The following ERBIN variants were observed in gnomAD, a reference collection of about 807,000 sequenced individuals.
The protein encoded by ERBIN is densin-180-like protein.
ERBIN carries 60 observed loss-of-function variants against 158.4 expected under a neutral mutation model. The observed-to-expected ratio is 0.38, with a 90% CI of 0.31 to 0.47. The LOEUF is 0.47. ERBIN is among the 20% of genes least tolerant of loss of function. The probability of loss-of-function intolerance (pLI) is 0.99; values close to 1 mark genes in which losing one functional copy is unlikely to be tolerated. For missense variants in ERBIN, 1,610 were observed against 1,648.0 expected, an observed-to-expected ratio of 0.98 and a Z score of 0.40; for synonymous variants, 594 against 557.2, an observed-to-expected ratio of 1.07 and a Z score of -0.93.
At chr5:66,004,541 GGTGCAGGCCA>G (rs1460123683) in intron 4 of ERBIN, among the ~76,000 whole-genome samples, 2 of 152,184 alleles carry the variant, frequency 1.3e-5, no homozygotes, top group African/African-American at 4.8e-5. Context: ...TGAGACTACA[GGTGCAGGCCA>G]CCATATCTGG....
In ERBIN at chr5:65,987,668, T is replaced by C. The variant is rs573227461; in HGVS notation, c.-57-967T>C. 1.2e-3 allele frequency among the ~76,000 whole-genome samples: 183 copies of C among 151,912 alleles called. 1 individual carries two copies. Among genetic ancestry groups the C allele is most frequent in the Middle Eastern group, 0.01 (3 of 294 alleles). ...AGGAGTTTGAGACCAGCCTGGCCAA[T>C]ATGGCAAAACCCCGTCTCTCTAAAG... On this transcript the variant is annotated intron_variant, in intron 1 of 25. Coordinates refer to ENST00000284037, the MANE Select transcript of ERBIN (RefSeq NM_001253697.2).
intron 4 of ERBIN, among the ~76,000 whole-genome samples, chr5:66,007,407 G>A (rs1309840049): frequency 1.7e-5 from 2 of 119,058 alleles, no homozygotes; most frequent in Non-Finnish European, 3.5e-5. Context: ...GGGGAGCGGG[G>A]AGGGGATAGC....
At chr5:66,058,709 A>C (rs153020) in intron 21 of ERBIN, among the ~76,000 whole-genome samples, 5 of 147,340 alleles carry the variant, frequency 3.4e-5, no homozygotes, top group South Asian at 2.1e-4. Flanking sequence ...AATTAATTTT[A>C]GTATAAGGTG....
chr5:66,053,274 A>G (rs1759222538), intron 20 of ERBIN, 132 bp from the exon 21 acceptor site: 2 of 477,476 alleles, frequency 4.2e-6, no homozygotes, highest in Non-Finnish European at 7.3e-6. Flanking sequence ...ATGCTTGATA[A>G]TAAATGCCTT....
intron 1 of ERBIN, among the ~76,000 whole-genome samples, chr5:65,928,752 AGTTT>A (rs1410316213): frequency 1.4e-4 from 22 of 152,124 alleles, no homozygotes; most frequent in Admixed American, 1.1e-3. Context: ...GAATTCTGTT[AGTTT>A]ATCACCGAAT....
intron 1 of ERBIN, among the ~76,000 whole-genome samples, chr5:65,944,881 C>CAATCCCA (rs1178919787): frequency 3.3e-5 from 5 of 152,028 alleles, no homozygotes; most frequent in African/African-American, 1.2e-4. Context: ...CAGTCTGTTA[C>CAATCCCA]TAGATACATG....
chr5:66,023,438 A>G (rs1041401635), intron 9 of ERBIN, 74 bp downstream of exon 9: 2 of 864,314 alleles, frequency 2.3e-6, no homozygotes, highest in Admixed American at 2.4e-5. Context: ...TGTACCTTTT[A>G]TAATTACTTT....
intron 10 of ERBIN, 143 bp from the exon 11 acceptor site, chr5:66,025,337 T>C: frequency 1.5e-6 from 1 of 685,948 alleles, no homozygotes; most frequent in Non-Finnish European, 2.6e-6. Context: ...AACATTGGGA[T>C]TGGGAGTGGT....
intron 1 of ERBIN, among the ~76,000 whole-genome samples, chr5:65,974,402 C>T (rs186375930): frequency 2.6e-5 from 4 of 152,350 alleles, no homozygotes; most frequent in African/African-American, 7.2e-5. Flanking sequence ...GAGGTAATGC[C>T]TATAGAGGCA....
intron 1 of ERBIN, among the ~76,000 whole-genome samples, chr5:65,932,077 C>T (rs1404358894): frequency 6.6e-6 from 1 of 152,010 alleles, no homozygotes; most frequent in Non-Finnish European, 1.5e-5. Flanking sequence ...CTCGGCCTCC[C>T]AAAGTGCTGG....
intron 1 of ERBIN, among the ~76,000 whole-genome samples, chr5:65,982,958 C>T (rs1750813870): frequency 6.6e-6 from 1 of 152,142 alleles, no homozygotes; most frequent in Non-Finnish European, 1.5e-5. Context: ...GGAAATGTTC[C>T]ATGTCTTGAT....
chr5:66,041,743 G>GGA (rs1003933116), intron 15 of ERBIN, among the ~76,000 whole-genome samples: 36 of 152,092 alleles, frequency 2.4e-4, no homozygotes, highest in African/African-American at 8.4e-4. Context: ...CTGGAACAAG[G>GGA]GAGAGGGAAT....
intron 22 of ERBIN, among the ~76,000 whole-genome samples, chr5:66,073,389 G>T (rs530752295): frequency 2.7e-5 from 4 of 150,778 alleles, no homozygotes; most frequent in African/African-American, 1.0e-4. Flanking sequence ...CAGTGATCAA[G>T]TAATAAACAG....
rs1762233710 is a variant in ERBIN at position 66,078,726 on chromosome 5, AT to A, written c.*198del. The A allele has an allele frequency of 7.5e-6, 4 of 535,942 alleles. No homozygotes were observed. Among genetic ancestry groups the A allele is most frequent in the Non-Finnish European group, 1.3e-5 (4 of 304,166 alleles). The allele number at this position is 535,942 out of a possible 1,614,324, so 33.2% of individuals were successfully genotyped here. On this transcript the variant is annotated 3_prime_UTR_variant, in exon 26 of 26. Coordinates refer to ENST00000284037, the MANE Select transcript of ERBIN (RefSeq NM_001253697.2). ...TACAGAATATAAAGGAGACTGTTGA[AT>A]TCATACCATATAAAACTTGTTAGGT...
chr5:65,952,728 G>T (rs187107124), intron 1 of ERBIN, among the ~76,000 whole-genome samples: 23 of 152,142 alleles, frequency 1.5e-4, no homozygotes, highest in African/African-American at 5.3e-4. Flanking sequence ...ATATTAATTT[G>T]TCTTAATTTG....
chr5:65,978,406 T>A (rs1479117574), intron 1 of ERBIN, among the ~76,000 whole-genome samples: 1 of 152,206 alleles, frequency 6.6e-6, no homozygotes, highest in Non-Finnish European at 1.5e-5. Flanking sequence ...GGCTCTCTTG[T>A]TTCCTAAGTT....
intron 1 of ERBIN, among the ~76,000 whole-genome samples, chr5:65,965,428 C>T (rs1196902534): frequency 6.1e-5 from 7 of 115,262 alleles, no homozygotes; most frequent in East Asian, 3.7e-4. Flanking sequence ...TTTTTTGAGA[C>T]GGAGTCTCAC....
Position 66,025,912 on chromosome 5 carries a change from G to T in ERBIN, c.955G>T (p.Gly319Trp). 1 of 1,592,690 alleles carries T rather than the reference G, an allele frequency of 6.3e-7. No individual in the cohort carries two copies. The highest frequency in any genetic ancestry group is 1.1e-5 in the South Asian group (1 of 87,288). ...AGTTGAAGCTTTGCCTTCATCTATT[G>T]GGCAGCTTACTAACTTAAGAACTTT... ...NEVEALPSSIGQLTNLRTFAA... is the reference protein window; with the variant it reads ...NEVEALPSSIWQLTNLRTFAA... Residue 319 changes from glycine to tryptophan, a missense_variant, in exon 12 of 26, where the codon GGG becomes TGG. Gly to Trp is a radical substitution (Grantham distance 184). Transcript: ENST00000284037.
chr5:66,055,116 G>A, intron 21 of ERBIN, 165 bp downstream of exon 21: 4 of 1,391,866 alleles, frequency 2.9e-6, no homozygotes, highest in Non-Finnish European at 3.7e-6. Context: ...CAGGACAATT[G>A]GGATGATAAT....
Sources: allele counts gnomAD v4.1 joint callset (sites outside exome capture counted in the v4.1 genomes callset), GRCh38; gene constraint gnomAD v4.1.1; transcripts MANE v1.5; gene names NCBI Gene and HGNC (gene_info 2026-07-23, HGNC 2026-07-21).